Variants in PTPRO observed in about 807,000 individuals in gnomAD.
PTPRO encodes receptor-type tyrosine-protein phosphatase O.
A neutral mutation model predicts 145.2 loss-of-function variants in PTPRO; 62 were observed. The ratio of observed to expected loss-of-function variants is 0.43; its 90% CI spans 0.35 to 0.53. The LOEUF is 0.53. Ranked by LOEUF, PTPRO falls within the 20% of genes least tolerant of loss-of-function variation. PTPRO has a pLI of 0.01. For missense variants in PTPRO, 1,345 were observed against 1,482.7 expected, an observed-to-expected ratio of 0.91 and a Z score of 1.53; for synonymous variants, 565 against 514.7, an observed-to-expected ratio of 1.10 and a Z score of -1.32.
At chr12:15,520,722 T>C (rs1942699099) in intron 10 of PTPRO, among the ~76,000 whole-genome samples, 1 of 152,216 alleles carries the variant, frequency 6.6e-6, no homozygotes, top group African/African-American at 2.4e-5. Context: ...ATAGGCTGAC[T>C]GTAGTAGGGT....
intron 1 of PTPRO, among the ~76,000 whole-genome samples, chr12:15,451,868 C>G (rs1282170332): frequency 2.6e-5 from 4 of 152,170 alleles, no homozygotes; most frequent in African/African-American, 9.7e-5. Flanking sequence ...AACTTCATAG[C>G]CTTGAATGCC....
chr12:15,428,299 A>G (rs555224205), intron 1 of PTPRO, among the ~76,000 whole-genome samples: 44 of 152,302 alleles, frequency 2.9e-4, no homozygotes, highest in African/African-American at 1.0e-3. Context: ...TAACATAAGG[A>G]TTCTTAGCAC....
rs1944245996 is a variant in PTPRO, at chr12:15,578,873, G to A, written c.2850G>A (p.Leu950=). 1.2e-6 allele frequency: 2 copies of A among 1,602,604 alleles called. No individual in the cohort carries two copies. The highest frequency in any genetic ancestry group is 1.7e-6 in the Non-Finnish European group (2 of 1,169,626). The part of the protein sequence containing the change: ...LQFEELKLIG[L]DIPHFAADLP... Reference sequence around the variant, plus strand: ...TACAGGAGTTGAAATTGATTGGACTGGATATCCCACACTTTGCTGCAGATC... The same window carrying A: ...TACAGGAGTTGAAATTGATTGGACTAGATATCCCACACTTTGCTGCAGATC... The change falls in exon 20 of 27, where the codon CTG becomes CTA. Residue 950 remains leucine (L), a synonymous_variant. Coordinates refer to ENST00000281171, the MANE Select transcript of PTPRO (RefSeq NM_030667.3).
At chr12:15,538,771 G>A (rs2014927) in intron 12 of PTPRO, among the ~76,000 whole-genome samples, 51,162 of 151,800 alleles carry the variant, frequency 0.34, 8,747 homozygotes, top group Middle Eastern at 0.47. Context: ...TGGGTAACTC[G>A]CTGATTGGGA....
intron 1 of PTPRO, among the ~76,000 whole-genome samples, chr12:15,432,023 G>T (rs1191841951): frequency 6.6e-6 from 1 of 152,068 alleles, no homozygotes; most frequent in Non-Finnish European, 1.5e-5. Flanking sequence ...TTTAAGTTTA[G>T]GGGTATGTGT....
In PTPRO at chr12:15,560,250, T is replaced by C. The variant is rs765323400; in HGVS notation, c.2685T>C (p.Tyr895=). The C allele has an allele frequency of 1.2e-5, 19 of 1,589,890 alleles. No homozygotes were observed. The highest frequency in any genetic ancestry group is 1.6e-5 in the Non-Finnish European group (18 of 1,158,384). ...TACCCTCATGTCTTTGGACTGATTA[T>C]CTTTTGGCATTTTATATTAATCCTT... The part of the protein sequence containing the change: ...TLLPSCLWTD[Y]LLAFYINPWS... The change falls in exon 17 of 27, where the codon TAT becomes TAC. Residue 895 remains tyrosine, a synonymous_variant. Transcript: ENST00000281171.
chr12:15,589,941 T>C (rs1255343002), intron 25 of PTPRO, among the ~76,000 whole-genome samples: 1 of 152,196 alleles, frequency 6.6e-6, no homozygotes, highest in Non-Finnish European at 1.5e-5. Context: ...ATTTGATTTA[T>C]ATTTGAAATG....
intron 2 of PTPRO, among the ~76,000 whole-genome samples, chr12:15,492,731 A>G (rs1942024994): frequency 6.6e-6 from 1 of 152,312 alleles, no homozygotes; most frequent in Non-Finnish European, 1.5e-5. Context: ...CAAATTCTAT[A>G]CTGATAAAAG....
intron 17 of PTPRO, among the ~76,000 whole-genome samples, chr12:15,562,419 C>G (rs138257987): frequency 6.6e-6 from 1 of 152,286 alleles, no homozygotes; most frequent in Non-Finnish European, 1.5e-5. Flanking sequence ...TCTCCCCAGA[C>G]GCACACTGCC....
intron 1 of PTPRO, among the ~76,000 whole-genome samples, chr12:15,441,954 C>G (rs1338522070): frequency 6.6e-6 from 1 of 152,010 alleles, no homozygotes; most frequent in East Asian, 1.9e-4. Context: ...TTTTACTGCA[C>G]CTATTTCAAA....
At chr12:15,481,115 G>C (rs1941770766) in intron 1 of PTPRO, among the ~76,000 whole-genome samples, 1 of 152,160 alleles carries the variant, frequency 6.6e-6, no homozygotes. Context: ...TACCTTTTCT[G>C]TTCTTTTTCT....
At chr12:15,577,640 A>C (rs1251533491) in intron 19 of PTPRO, among the ~76,000 whole-genome samples, 3 of 152,216 alleles carry the variant, frequency 2.0e-5, no homozygotes, top group Non-Finnish European at 4.4e-5. Flanking sequence ...AATGTAAATA[A>C]AATTTATAAC....
intron 19 of PTPRO, among the ~76,000 whole-genome samples, chr12:15,572,714 G>C (rs1377007400): frequency 1.3e-5 from 2 of 151,958 alleles, no homozygotes; most frequent in Non-Finnish European, 2.9e-5. Flanking sequence ...ATCATGTTCT[G>C]CTTTTTTTTA....
intron 1 of PTPRO, among the ~76,000 whole-genome samples, chr12:15,395,114 G>A (rs189714512): frequency 9.2e-5 from 14 of 152,310 alleles, no homozygotes; most frequent in African/African-American, 3.4e-4. Flanking sequence ...ATACCACTGA[G>A]TATCACAATG....
intron 12 of PTPRO, among the ~76,000 whole-genome samples, chr12:15,527,650 T>G (rs539527464): frequency 6.6e-6 from 1 of 152,290 alleles, no homozygotes; most frequent in Non-Finnish European, 1.5e-5. Flanking sequence ...CTTTAAGACC[T>G]TTCTTTTTCA....
At chr12:15,503,829 T>C in intron 5 of PTPRO, 79 bp from the exon 6 acceptor site, 1 of 1,206,614 alleles carries the variant, frequency 8.3e-7, no homozygotes, top group Non-Finnish European at 1.2e-6. Context: ...CTAATTTTTT[T>C]TCATTAATCG....
At chr12:15,549,854 A>T (rs139712055) in intron 14 of PTPRO, among the ~76,000 whole-genome samples, 74 of 152,292 alleles carry the variant, frequency 4.9e-4, no homozygotes, top group African/African-American at 1.6e-3. Flanking sequence ...CCATTTCTGT[A>T]ATATTAGTCA....
intron 24 of PTPRO, among the ~76,000 whole-genome samples, chr12:15,587,525 T>C (rs1944454978): frequency 6.6e-6 from 1 of 152,056 alleles, no homozygotes; most frequent in East Asian, 1.9e-4. Flanking sequence ...AAAAGAAAAA[T>C]GAAAATATTC....
chr12:15,568,846 C>G (rs1055158890), intron 18 of PTPRO, among the ~76,000 whole-genome samples: 1 of 152,172 alleles, frequency 6.6e-6, no homozygotes, highest in Non-Finnish European at 1.5e-5. Flanking sequence ...AAAGTTTCAT[C>G]CCACTGATCC....
Sources: allele counts gnomAD v4.1 joint callset (sites outside exome capture counted in the v4.1 genomes callset), GRCh38; gene constraint gnomAD v4.1.1; transcripts MANE v1.5; gene names NCBI Gene and HGNC (gene_info 2026-07-23, HGNC 2026-07-21).